POLR3E: variants seen among roughly 807,000 people sequenced by gnomAD.
POLR3E encodes the protein RNA polymerase III subunit E, also known as DNA-directed RNA polymerase III subunit RPC5.
Under a neutral mutation model 96.6 loss-of-function variants are expected in POLR3E, and 41 were observed. The ratio of observed to expected loss-of-function variants is 0.42; its 90% CI spans 0.33 to 0.55. POLR3E has a LOEUF of 0.55. Ranked by LOEUF, POLR3E falls within the 20% of genes least tolerant of loss-of-function variation. POLR3E has a pLI of 0.06. For synonymous variants in POLR3E, 396 were observed against 383.6 expected (o/e 1.03, Z -0.38); for missense variants, 849 against 952.1 (o/e 0.89, Z 1.43).
At position 22,333,737 on chromosome 16, in the gene POLR3E, C is replaced by T; in HGVS notation, c.*37C>T. On this transcript the variant is annotated 3_prime_UTR_variant, in exon 21 of 21. Transcript: ENST00000299853. ...AACTACTAACCCAGCAAATCTAAGC[C>T]CAAGGAAGAAGGGCGGAACCAGAAG... 6.7e-7 allele frequency: 1 copy of T among 1,482,778 alleles called. No homozygotes were observed. The allele number at this position is 1,482,778 out of a possible 1,614,324, so 91.9% of individuals were successfully genotyped here.
At chr16:22,314,018 G>GT (rs144506514) in intron 7 of POLR3E, 61 bp from the exon 8 acceptor site, 82,285 of 1,456,248 alleles carry the variant, frequency 0.057, 3,062 homozygotes, top group Admixed American at 0.15. Context: ...GGCGGGTGGG[G>GT]TTGAGAGAAG....
rs369410140 is a variant in POLR3E at position 22,308,103 on chromosome 16, C to A, written c.88-45C>A. The A allele has an allele frequency of 2.9e-4, 419 of 1,457,580 alleles. 8 individuals are homozygous for A. In the South Asian group the frequency reaches 4.6e-3, roughly 16 times the overall value. 90.3% of individuals were successfully genotyped at this position (1,457,580 alleles called of 1,614,324 possible). ...TTCTTGGCCAGGGCCCAGCTCTGGG[C>A]ATGGCTGGGCAGAGTGGACTTAATG... is the stretch of plus-strand genomic sequence containing the variant. On this transcript the variant is annotated intron_variant, in intron 3 of 20. Transcript: ENST00000299853.
At chr16:22,305,899 T>G (rs555346208) in intron 3 of POLR3E, among the ~76,000 whole-genome samples, 2 of 152,354 alleles carry the variant, frequency 1.3e-5, no homozygotes, top group East Asian at 3.9e-4. Context: ...ATAACCGATA[T>G]ATTGAGATAG....
At chr16:22,326,477 G>A (rs1473157074) in intron 18 of POLR3E, 199 bp downstream of exon 18, 2 of 627,896 alleles carry the variant, frequency 3.2e-6, no homozygotes, top group Non-Finnish European at 5.8e-6. Flanking sequence ...TATGTCACAG[G>A]ACTGTGGTAG....
At chr16:22,300,561 C>T (rs941571104) in intron 1 of POLR3E, among the ~76,000 whole-genome samples, 1 of 152,240 alleles carries the variant, frequency 6.6e-6, no homozygotes, top group Non-Finnish European at 1.5e-5. Flanking sequence ...CACTGCCCAG[C>T]TGCAGAGAAG....
chr16:22,314,892 TA>T, intron 8 of POLR3E, 196 bp from the exon 9 acceptor site: 1 of 524,764 alleles, frequency 1.9e-6, no homozygotes, highest in Non-Finnish European at 3.4e-6. Flanking sequence ...CGAGCAAGTA[TA>T]AGCCGTTCCC....
rs1429254335 is a variant in POLR3E at position 22,325,420 on chromosome 16, C to CCGCA, written c.1348+155_1348+158dup. On this transcript the variant is annotated intron_variant, in intron 17 of 20. Coordinates refer to ENST00000299853, the MANE Select transcript of POLR3E (RefSeq NM_018119.4). ...TCCTTCCTTTCCTGCCACCCACAGACCGCAGCTGGTCGCTTGCCCAGCAGC... is the reference window on the plus strand; with the variant it reads ...TCCTTCCTTTCCTGCCACCCACAGACCGCACGCAGCTGGTCGCTTGCCCAGCAGC... The CCGCA allele has an allele frequency of 1.4e-5, 10 of 707,778 alleles. No individual in the cohort carries two copies. In the African/African-American group the frequency reaches 1.8e-4, roughly 13 times the overall value. The allele number at this position is 707,778 out of a possible 1,614,324, so 43.8% of individuals were successfully genotyped here.
intron 4 of POLR3E, 105 bp downstream of exon 4, chr16:22,308,330 G>A: frequency 1.1e-6 from 1 of 884,064 alleles, no homozygotes; most frequent in Non-Finnish European, 1.9e-6. Flanking sequence ...AGAAGTAGGA[G>A]AACCAGCAAC....
chr16:22,318,079 C>T lies in POLR3E; in HGVS notation c.866-747C>T, dbSNP rs964217346. 1.3e-5 allele frequency among the ~76,000 whole-genome samples: 2 copies of T among 151,624 alleles called. No homozygotes were observed. Among genetic ancestry groups the T allele is most frequent in the Non-Finnish European group, 2.9e-5 (2 of 67,964 alleles). The stretch of plus-strand genomic sequence containing the variant: ...TGATATGCTCGGGATTTTAGGCTTC[C>T]TTCCTGCAGAGGACTTCGAACTTTT... On this transcript the variant is annotated intron_variant, in intron 12 of 20. Transcript: ENST00000299853. This position sits in a 1 kb window ranked among gnomAD's most constrained non-coding sequence, Gnocchi z 5.0.
chr16:22,308,917 G>A lies in POLR3E; in HGVS notation c.166-8G>A. On this transcript the variant is annotated splice_polypyrimidine_tract_variant and splice_region_variant and intron_variant, in intron 4 of 20. Transcript: ENST00000299853. ...CTCATAGCTGGTGGGGGTGCTTGGT[G>A]CCTCCAGGTAGAGCTTGAGATGGCC... is the stretch of plus-strand genomic sequence containing the variant. The A allele has an allele frequency of 1.9e-6, 3 of 1,600,156 alleles. No homozygotes were observed. The highest frequency in any genetic ancestry group is 2.6e-6 in the Non-Finnish European group (3 of 1,167,666).
In POLR3E at chr16:22,333,883, AAGTT is replaced by A. The variant is rs754280418; in HGVS notation, c.*190_*193del. 16 of 547,228 alleles carry A rather than the reference AAGTT, an allele frequency of 2.9e-5. No individual in the cohort carries two copies. The highest frequency in any genetic ancestry group is 2.1e-4 in the African/African-American group (11 of 53,344). 33.9% of individuals were successfully genotyped at this position (547,228 alleles called of 1,614,324 possible). On this transcript the variant is annotated 3_prime_UTR_variant, in exon 21 of 21. Transcript: ENST00000299853. ...CCTCAGCCAGTCGCAGGGTCAGCTT[AAGTT>A]AGTTAGATCACTCCCAGAAGAGACC...
chr16:22,306,084 C>T (rs1248336648), intron 3 of POLR3E, among the ~76,000 whole-genome samples: 1 of 152,142 alleles, frequency 6.6e-6, no homozygotes, highest in Non-Finnish European at 1.5e-5. Flanking sequence ...CCTCCAACCC[C>T]AGGCAACCAT....
At chr16:22,299,597 A>G (rs538029807) in intron 1 of POLR3E, among the ~76,000 whole-genome samples, 161 of 151,928 alleles carry the variant, frequency 1.1e-3, no homozygotes, top group Non-Finnish European at 2.0e-3. Flanking sequence ...TATTTTAAGT[A>G]GAGACGGGGT....
chr16:22,308,572 G>T (rs1490752456), intron 4 of POLR3E: 11 of 441,334 alleles, frequency 2.5e-5, no homozygotes, highest in East Asian at 1.2e-4. Context: ...CAGCCACATG[G>T]AAGTGCCATC....
In POLR3E at chr16:22,316,627, G is replaced by A; in HGVS notation, c.669G>A (p.Gln223=). 1 of 1,614,078 alleles carries A rather than the reference G, an allele frequency of 6.2e-7. No individual in the cohort carries two copies. The highest frequency in any genetic ancestry group is 8.5e-7 in the Non-Finnish European group (1 of 1,179,942). The change falls in exon 10 of 21, where the codon CAG becomes CAA. Residue 223 remains glutamine (Q), a synonymous_variant. Coordinates refer to ENST00000299853, the MANE Select transcript of POLR3E (RefSeq NM_018119.4). ...ACAGTCGCTCTGAGCATGAGCGTCA[G>A]TACCTGCTGTGCCCCGGCTCAAGCG... ...LRDSRSEHER[Q]YLLCPGSSGV...
chr16:22,324,326 C>G, intron 14 of POLR3E, 28 bp from the exon 15 acceptor site: 1 of 1,606,798 alleles, frequency 6.2e-7, no homozygotes, highest in Non-Finnish European at 8.5e-7. Flanking sequence ...GTGGCCGCCC[C>G]TGGAATGTGC....
At chr16:22,324,892 C>T (rs938796702) in intron 16 of POLR3E, among the ~76,000 whole-genome samples, 1 of 152,182 alleles carries the variant, frequency 6.6e-6, no homozygotes, top group African/African-American at 2.4e-5. Flanking sequence ...ACAGGACACA[C>T]AGCCAGTACC....
Position 22,326,025 on chromosome 16 carries a change from G to A in POLR3E, c.1613G>A (p.Arg538Gln), listed in dbSNP as rs368340336. 15 of 1,601,048 alleles carry A rather than the reference G, an allele frequency of 9.4e-6. No individual in the cohort carries two copies. Among genetic ancestry groups the A allele is most frequent in the East Asian group, 2.2e-5 (1 of 44,590 alleles). The change falls in exon 18 of 21, where the codon CGG (arginine) becomes CAG (glutamine). Residue 538 changes from arginine (R) to glutamine (Q), a missense_variant. By Grantham distance (43) the Arg-to-Gln change is conservative. Coordinates refer to ENST00000299853, the MANE Select transcript of POLR3E (RefSeq NM_018119.4). The stretch of plus-strand genomic sequence containing the variant: ...CTGGCCAACGGGCTGCCTCTCGGGC[G>A]GGCTGCGGGCACAGACAGCTTCAAC... ...SKLANGLPLG[R>Q]AAGTDSFNGH...
chr16:22,299,992 G>C (rs368246038), intron 1 of POLR3E, among the ~76,000 whole-genome samples: 2 of 152,276 alleles, frequency 1.3e-5, no homozygotes, highest in South Asian at 2.1e-4. Context: ...TGGGATTACC[G>C]GCATGAGCCA....
Sources: gnomAD v4.1 joint callset for allele counts (sites outside exome capture counted in the v4.1 genomes callset) on GRCh38, gnomAD v4.1.1 for gene constraint, Gnocchi (gnomAD v3.1) non-coding constraint, MANE v1.5 for transcripts, NCBI Gene and HGNC (gene_info 2026-07-23, HGNC 2026-07-21) for gene names.